RIBC2: variants seen among roughly 807,000 people sequenced by gnomAD.
The protein encoded by RIBC2 is RIB43A-like with coiled-coils protein 2.
A neutral mutation model predicts 44.3 loss-of-function variants in RIBC2; 40 were observed. The ratio of observed to expected loss-of-function variants is 0.90; its 90% CI spans 0.70 to 1.18. The LOEUF (loss-of-function observed/expected upper bound fraction) is 1.18, where lower values mean the gene tolerates loss of function less well. RIBC2 is among the 50% of genes most tolerant of loss of function. The pLI, the probability that RIBC2 is intolerant of heterozygous loss-of-function variation, is 0.00. For synonymous variants in RIBC2, 171 were observed against 175.0 expected (o/e 0.98, Z 0.18); for missense variants, 459 against 485.5 (o/e 0.95, Z 0.51).
intron 2 of RIBC2, among the ~76,000 whole-genome samples, chr22:45,416,770 G>A (rs2087428998): frequency 1.3e-5 from 2 of 151,504 alleles, no homozygotes; most frequent in Admixed American, 1.3e-4. Context: ...GCAAATGAGA[G>A]ATCTTGTTTC....
At chr22:45,423,815 C>T (rs557559827) in intron 4 of RIBC2, among the ~76,000 whole-genome samples, 7 of 152,094 alleles carry the variant, frequency 4.6e-5, no homozygotes, top group African/African-American at 7.2e-5. Context: ...TTACAGAGGG[C>T]GACCAAAGAG....
intron 6 of RIBC2, among the ~76,000 whole-genome samples, chr22:45,432,010 G>T (rs1462400463): frequency 6.6e-6 from 1 of 152,072 alleles, no homozygotes; most frequent in Non-Finnish European, 1.5e-5. Flanking sequence ...AATCAAACAG[G>T]GTGAACACCC....
chr22:45,425,603 G>A (rs1192001060), intron 4 of RIBC2, among the ~76,000 whole-genome samples: 3 of 152,350 alleles, frequency 2.0e-5, no homozygotes, highest in African/African-American at 4.8e-5. Flanking sequence ...GTTGCCAGGG[G>A]CATAGAGCCC....
chr22:45,421,332 T>G (rs1335414699), intron 3 of RIBC2, among the ~76,000 whole-genome samples: 1 of 143,710 alleles, frequency 7.0e-6, no homozygotes, highest in Non-Finnish European at 1.5e-5. Flanking sequence ...AATACTATTA[T>G]TAATAATAAT....
chr22:45,431,000 G>GCAGTGGCGGCA lies in RIBC2; in HGVS notation c.1004_1005insCAGTGGCGGCA (p.Gln336SerfsTer30), dbSNP rs778266769. On this transcript the variant is annotated frameshift_variant, in exon 6 of 7. Transcript: ENST00000614167. LOFTEE classifies it high-confidence loss of function. Reference sequence around the variant, plus strand: ...CTGTTTGAGCGGCAGCAGTGGCGGCGGCAGCGCGACCTGCGCAGAGCTCTG... The same window carrying GCAGTGGCGGCA: ...CTGTTTGAGCGGCAGCAGTGGCGGCGCAGTGGCGGCAGCAGCGCGACCTGCGCAGAGCTCTG... 3.9e-5 allele frequency: 63 copies of GCAGTGGCGGCA among 1,594,994 alleles called. No individual in the cohort carries two copies. The African/African-American group carries it at 6.9e-4, about 17-fold the overall frequency.
intron 3 of RIBC2, among the ~76,000 whole-genome samples, chr22:45,419,402 T>C (rs960431931): frequency 6.6e-5 from 10 of 152,032 alleles, no homozygotes; most frequent in Non-Finnish European, 2.9e-5. Context: ...TCAGCTACTT[T>C]CCACACCCTC....
At chr22:45,419,724 C>G (rs1263729890) in intron 3 of RIBC2, among the ~76,000 whole-genome samples, 2 of 150,546 alleles carry the variant, frequency 1.3e-5, no homozygotes, top group Admixed American at 1.3e-4. Context: ...CAGAGTGAAA[C>G]CCTGTCTCAA....
At chr22:45,417,328 G>T (rs1434567648) in intron 2 of RIBC2, among the ~76,000 whole-genome samples, 1 of 151,996 alleles carries the variant, frequency 6.6e-6, no homozygotes, top group Non-Finnish European at 1.5e-5. Context: ...ATCCTTTAAT[G>T]GCTGTGTTAC....
chr22:45,423,700 C>T (rs1349729699), intron 4 of RIBC2, among the ~76,000 whole-genome samples: 1 of 152,018 alleles, frequency 6.6e-6, no homozygotes, highest in Non-Finnish European at 1.5e-5. Flanking sequence ...GAGCCAACTG[C>T]GGGGGCTGGG....
In RIBC2 at chr22:45,414,429, A is replaced by C. The variant is rs73446306; in HGVS notation, c.211+26A>C. ...GTGAGCATTTCCTGAATGCTTATCT[A>C]TTGGTTTAGGATTGTGTGGCTTTAG... On this transcript the variant is annotated intron_variant, in intron 2 of 6. Transcript: ENST00000614167. 5,888 of 1,501,946 alleles carry C rather than the reference A, an allele frequency of 3.9e-3. 161 individuals are homozygous for C. In the African/African-American group the frequency reaches 0.067, roughly 17 times the overall value. The allele number at this position is 1,501,946 out of a possible 1,614,324, so 93.0% of individuals were successfully genotyped here. A position where few individuals can be genotyped will look rare whatever the true frequency, so the allele number is the denominator to read the frequency against.
chr22:45,428,818 ACTGGGTCACCCCATAGGT>A (rs966531219), intron 5 of RIBC2, among the ~76,000 whole-genome samples: 20 of 152,278 alleles, frequency 1.3e-4, no homozygotes, highest in East Asian at 3.9e-4. Flanking sequence ...TAGTCAGATG[ACTGGGTCACCCCATAGGT>A]CTGGGTCACC....
chr22:45,430,113 C>G (rs1602122614), intron 5 of RIBC2, among the ~76,000 whole-genome samples: 1 of 152,192 alleles, frequency 6.6e-6, no homozygotes, highest in South Asian at 2.1e-4. Context: ...GGGTGACTTG[C>G]CTCGTGGGTG....
rs181306815 is a variant in RIBC2, at chr22:45,425,127, A to T, written c.676-821A>T. On this transcript the variant is annotated intron_variant, in intron 4 of 6. Transcript: ENST00000614167. ...CAGAGCGAGACTCCGTCTCAAAAAA[A>T]CAAACAAACAAACAAACAAAAAAAA... is the stretch of plus-strand genomic sequence containing the variant. Among the ~76,000 whole-genome samples, 1,490 of 149,600 alleles carry T rather than the reference A, an allele frequency of 1.0e-2. 11 individuals are homozygous for T. Among genetic ancestry groups the T allele is most frequent in the Non-Finnish European group, 0.016 (1,059 of 67,082 alleles).
chr22:45,427,236 C>T (rs1467054910), intron 5 of RIBC2, among the ~76,000 whole-genome samples: 1 of 152,332 alleles, frequency 6.6e-6, no homozygotes, highest in East Asian at 1.9e-4. Context: ...GGTATGGCAG[C>T]TCTGTGGTCA....
intron 5 of RIBC2, among the ~76,000 whole-genome samples, chr22:45,426,821 G>C (rs1273169251): frequency 6.6e-6 from 1 of 152,172 alleles, no homozygotes; most frequent in Non-Finnish European, 1.5e-5. Flanking sequence ...GGTGATGCTG[G>C]CTGGGACCAC....
chr22:45,425,593 G>A (rs2087526205), intron 4 of RIBC2, among the ~76,000 whole-genome samples: 1 of 152,206 alleles, frequency 6.6e-6, no homozygotes, highest in African/African-American at 2.4e-5. Flanking sequence ...ATGTCCAAGG[G>A]TTGCCAGGGG....
intron 3 of RIBC2, among the ~76,000 whole-genome samples, chr22:45,421,047 TCTTA>T (rs752325571): frequency 1.3e-5 from 2 of 152,034 alleles, no homozygotes; most frequent in Non-Finnish European, 2.9e-5. Flanking sequence ...TCAACACTGT[TCTTA>T]CTTTGGGAGG....
chr22:45,413,724 C>A lies in RIBC2; in HGVS notation c.-163C>A. ...GACATTTCCGAGAGAGCGGGAGCGTCTGTACCTCTGCGGCGTCACTGGGAG... is the reference window on the plus strand; with the variant it reads ...GACATTTCCGAGAGAGCGGGAGCGTATGTACCTCTGCGGCGTCACTGGGAG... On this transcript the variant is annotated 5_prime_UTR_variant, in exon 1 of 7. The change creates a new upstream start codon in the 5' untranslated region. Transcript: ENST00000614167. 1 of 1,171,902 alleles carries A rather than the reference C, an allele frequency of 8.5e-7. No individual in the cohort carries two copies. The highest frequency in any genetic ancestry group is 1.5e-5 in the South Asian group (1 of 65,772). 72.6% of individuals were successfully genotyped at this position (1,171,902 alleles called of 1,614,324 possible). A position where few individuals can be genotyped will look rare whatever the true frequency, so the allele number is the denominator to read the frequency against.
chr22:45,421,541 A>ATAGTAT lies in RIBC2; in HGVS notation c.557-747_557-746insGTATTA, dbSNP rs375074564. Among the ~76,000 whole-genome samples the ATAGTAT allele has an allele frequency of 2.5e-4, 7 of 27,996 alleles. 1 individual carries two copies. Among genetic ancestry groups the ATAGTAT allele is most frequent in the African/African-American group, 1.9e-3 (6 of 3,088 alleles). 18.4% of individuals were successfully genotyped at this position (27,996 alleles called of 152,430 possible). ...AATAATAATAATAGTATTATTAATA[A>ATAGTAT]TATTAATAATAATAATAGTATTATT... is the stretch of plus-strand genomic sequence containing the variant. On this transcript the variant is annotated intron_variant, in intron 3 of 6. Transcript: ENST00000614167.
Sources: allele counts gnomAD v4.1 joint callset (sites outside exome capture counted in the v4.1 genomes callset), GRCh38; gene constraint gnomAD v4.1.1; transcripts MANE v1.5; gene names NCBI Gene and HGNC (gene_info 2026-07-23, HGNC 2026-07-21).